IQSEC2: variants seen among roughly 807,000 people sequenced by gnomAD.
IQSEC2 encodes IQ motif and SEC7 domain-containing protein 2.
A neutral mutation model predicts 74.6 loss-of-function variants in IQSEC2; 6 were observed. The observed-to-expected ratio is 0.08, with a 90% CI of 0.04 to 0.16. The LOEUF is 0.16. IQSEC2 is among the 10% of genes least tolerant of loss of function. The pLI is 1.00. For synonymous variants in IQSEC2, 494 were observed against 544.5 expected, an observed-to-expected ratio of 0.91 and a Z score of 1.29; for missense variants, 734 against 1,306.2, an observed-to-expected ratio of 0.56 and a Z score of 6.75.
chrX:53,291,827 A>G (rs1200777797), intron 2 of IQSEC2, 68 bp downstream of exon 2: 7 of 1,031,153 alleles, frequency 6.8e-6, no homozygotes, highest in Non-Finnish European at 2.6e-6. Context: ...CTGCAGTTAC[A>G]AACCAGAGGC....
rs1341900529 is a variant in IQSEC2 at position 53,233,935 on chromosome X, C to G, written c.*284G>C. The G allele has an allele frequency of 1.4e-5, 4 of 294,829 alleles. No homozygotes were observed. Among genetic ancestry groups the G allele is most frequent in the African/African-American group, 1.1e-4 (4 of 35,806 alleles). The allele number at this position is 294,829 out of a possible 1,213,427, so 24.3% of individuals were successfully genotyped here. A position where few individuals can be genotyped will look rare whatever the true frequency, so the allele number is the denominator to read the frequency against. On this transcript the variant is annotated 3_prime_UTR_variant, in exon 15 of 15. Coordinates refer to ENST00000642864, the MANE Select transcript of IQSEC2 (RefSeq NM_001111125.3). The stretch of plus-strand genomic sequence containing the variant: ...CAGGGAAAAGTGGGGAAGAAGAAGA[C>G]GGGAGAAAGAGTACGAGGATCTCTG...
chrX:53,260,603 C>G (rs1406349577), intron 2 of IQSEC2, among the ~76,000 whole-genome samples: 2 of 111,145 alleles, frequency 1.8e-5, no homozygotes, highest in African/African-American at 6.6e-5. Context: ...CCCAACCTGG[C>G]TACCTCCTGC....
intron 1 of IQSEC2, among the ~76,000 whole-genome samples, chrX:53,299,065 T>C (rs945884764): frequency 1.8e-5 from 2 of 110,261 alleles, no homozygotes; most frequent in Non-Finnish European, 3.8e-5. Context: ...TTTTCTTTCT[T>C]TCTCTCTCTC....
rs1432894642 is a variant in IQSEC2 at position 53,252,381 on chromosome X, A to C, written c.1402-1207T>G. Reference sequence around the variant, plus strand: ...TGGCCAAAAAAAATTTATTAAAAAAAAAAAAAAAAACTGCAAAACATTTTT... The same window carrying C: ...TGGCCAAAAAAAATTTATTAAAAAACAAAAAAAAAACTGCAAAACATTTTT... On this transcript the variant is annotated intron_variant, in intron 4 of 14. Coordinates refer to ENST00000642864, the MANE Select transcript of IQSEC2 (RefSeq NM_001111125.3). 9.9e-5 allele frequency among the ~76,000 whole-genome samples: 11 copies of C among 111,395 alleles called. No individual in the cohort carries two copies. In the East Asian group the frequency reaches 1.1e-3, roughly 11 times the overall value.
rs1159727308 is a variant in IQSEC2 at position 53,235,049 on chromosome X, G to A, written c.3637C>T (p.Arg1213Trp). The part of the protein sequence containing the change: ...SFLGSLFGSK[R>W]GKGPFQMPPP... ...GGCATCTGGAAGGGCCCCTTGCCCC[G>A]CTTGCTTCCAAATAGGGAGCCCAGG... is the stretch of plus-strand genomic sequence containing the variant. The change falls in exon 15 of 15, where the codon CGG (arginine) becomes TGG (tryptophan). Residue 1213 changes from arginine (R) to tryptophan (W), a missense_variant. Arg to Trp is a moderately radical substitution (Grantham distance 101). Transcript: ENST00000642864. The A allele has an allele frequency of 8.6e-7, 1 of 1,164,011 alleles. No individual in the cohort carries two copies. The highest frequency in any genetic ancestry group is 1.1e-6 in the Non-Finnish European group (1 of 872,002).
intron 14 of IQSEC2, 146 bp downstream of exon 14, chrX:53,235,637 A>G: frequency 1.8e-6 from 1 of 559,969 alleles, no homozygotes; most frequent in Non-Finnish European, 3.1e-6. Context: ...AGTTGAGGAC[A>G]GATGGAGAGA....
At chrX:53,248,376 G>T in intron 6 of IQSEC2, 140 bp from the exon 7 acceptor site, 1 of 785,195 alleles carries the variant, frequency 1.3e-6, no homozygotes, top group Non-Finnish European at 1.9e-6. Flanking sequence ...AAGTACACAT[G>T]AGGACAGAAT....
downstream of IQSEC2, chrX:53,230,596 G>C (rs1427311310): frequency 8.6e-6 from 1 of 115,689 alleles, no homozygotes; most frequent in Non-Finnish European, 1.8e-5. Context: ...CTTTGTTTTT[G>C]TTTGTTTGTT....
At chrX:53,298,902 C>T (rs1411489082) in intron 1 of IQSEC2, among the ~76,000 whole-genome samples, 5 of 111,662 alleles carry the variant, frequency 4.5e-5, no homozygotes, top group African/African-American at 1.6e-4. Context: ...CCCTTCATTA[C>T]CTTCCAAGTT....
intron 2 of IQSEC2, among the ~76,000 whole-genome samples, chrX:53,283,460 A>G (rs1556871267): frequency 8.9e-6 from 1 of 112,171 alleles, no homozygotes; most frequent in Admixed American, 9.4e-5. Flanking sequence ...TGGTAGGTAG[A>G]CAAAGTGTGC....
At chrX:53,230,106 A>C (rs1292709803), downstream of IQSEC2, 2 of 112,058 alleles carry the variant, frequency 1.8e-5, no homozygotes, top group African/African-American at 6.5e-5. Context: ...AGGCCTTTTC[A>C]TGCGCTGCTC....
chrX:53,320,474 G>A lies in IQSEC2; in HGVS notation c.650C>T (p.Ala217Val), dbSNP rs2075418007. The change falls in exon 1 of 15, where the codon GCC becomes GTC. Residue 217 changes from alanine to valine, a missense_variant. Physicochemically the swap from Ala to Val is moderately conservative, Grantham distance 64. This residue lies in a region of IQSEC2 where 134 missense variants were observed against 214.9 expected (regional missense o/e 0.62). Coordinates refer to ENST00000642864, the MANE Select transcript of IQSEC2 (RefSeq NM_001111125.3). Reference sequence around the variant, plus strand: ...GGTACTGGTGCTGTGGCCTCCGCCGGCGCCGGGACTGGAGCTCCTGGATGC... The same window carrying A: ...GGTACTGGTGCTGTGGCCTCCGCCGACGCCGGGACTGGAGCTCCTGGATGC... ...RGASRSSSPGAGGGHSTSTST... is the reference protein window; with the variant it reads ...RGASRSSSPGVGGGHSTSTST... 4.3e-6 allele frequency: 5 copies of A among 1,165,906 alleles called. No homozygotes were observed. In the East Asian group the frequency reaches 1.6e-4, roughly 38 times the overall value.
At chrX:53,257,076 G>T (rs782057609) in intron 2 of IQSEC2, among the ~76,000 whole-genome samples, 20 of 112,071 alleles carry the variant, frequency 1.8e-4, no homozygotes, top group African/African-American at 6.5e-4. Flanking sequence ...GAACACGCAG[G>T]TGAGGCATGG....
At chrX:53,249,805 C>T (rs148196795) in intron 5 of IQSEC2, among the ~76,000 whole-genome samples, 1 of 111,860 alleles carries the variant, frequency 8.9e-6, no homozygotes, top group African/African-American at 3.2e-5. Flanking sequence ...CAGCACACCA[C>T]CCTGCCCCCA....
At chrX:53,306,108 G>A (rs1386441779) in intron 1 of IQSEC2, among the ~76,000 whole-genome samples, 1 of 111,681 alleles carries the variant, frequency 9.0e-6, no homozygotes, top group African/African-American at 3.3e-5. Flanking sequence ...AAGAGTGGGC[G>A]GAAGGGGGAG....
chrX:53,309,285 G>A (rs782047467), intron 1 of IQSEC2, among the ~76,000 whole-genome samples: 45 of 112,131 alleles, frequency 4.0e-4, no homozygotes, highest in Non-Finnish European at 5.8e-4. Context: ...AACTAAATGG[G>A]AAAAGTGGTT....
rs1219108098 is a variant in IQSEC2, at chrX:53,233,162, T to C, written c.*1057A>G. On this transcript the variant is annotated 3_prime_UTR_variant, in exon 15 of 15. Transcript: ENST00000642864. ...TTGTAAAAAATATATTTATAATAAA[T>C]AAACAGGGCTGCAAAAGGGCTGGAG... 9.0e-6 allele frequency: 1 copy of C among 111,625 alleles called. No homozygotes were observed. The highest frequency in any genetic ancestry group is 3.3e-5 in the African/African-American group (1 of 30,624). The allele number at this position is 111,625 out of a possible 1,213,427, so 9.2% of individuals were successfully genotyped here. A position where few individuals can be genotyped will look rare whatever the true frequency, so the allele number is the denominator to read the frequency against.
At position 53,248,798 on chromosome X, in the gene IQSEC2, C is replaced by T; in HGVS notation, c.2382G>A (p.Glu794=). 1 of 1,211,596 alleles carries T rather than the reference C, an allele frequency of 8.3e-7. No homozygotes were observed. Among genetic ancestry groups the T allele is most frequent in the Non-Finnish European group, 1.1e-6 (1 of 895,387 alleles). The part of the protein sequence containing the change: ...TPVGVAHFIL[E]RKGLSRQMIG... ...TCATCTGCCGGCTGAGGCCTTTCCG[C>T]TCCAGGATGAAGTGAGCCACTCCCA... Residue 794 remains glutamate, a synonymous_variant, in exon 6 of 15, where the codon GAG becomes GAA. Transcript: ENST00000642864.
At position 53,236,360 on chromosome X, in the gene IQSEC2, C is replaced by A; in HGVS notation, c.3413G>T (p.Gly1138Val). ...GTCTCGCAGGGAACTGCTGAGTGCG[C>A]CCCGTTTGAGCCCATCGCCTGCCCC... ...TYGAGDGLKR[G>V]ALSSSLRDLS... is the part of the protein sequence containing the mutation. The change falls in exon 13 of 15, where the codon GGC becomes GTC. Residue 1138 changes from glycine to valine, a missense_variant. Physicochemically the swap from Gly to Val is moderately radical, Grantham distance 109. Coordinates refer to ENST00000642864, the MANE Select transcript of IQSEC2 (RefSeq NM_001111125.3). 8.3e-7 allele frequency: 1 copy of A among 1,209,519 alleles called. No individual in the cohort carries two copies. Among genetic ancestry groups the A allele is most frequent in the Non-Finnish European group, 1.1e-6 (1 of 894,332 alleles).
Sources: gnomAD v4.1 joint callset for allele counts (sites outside exome capture counted in the v4.1 genomes callset) on GRCh38, gnomAD v4.1.1 for gene constraint, gnomAD v4.1.1 regional missense constraint, MANE v1.5 for transcripts, NCBI Gene and HGNC (gene_info 2026-07-23, HGNC 2026-07-21) for gene names.